The following ASTN2 variants were observed in gnomAD, a reference collection of about 807,000 sequenced individuals.
ASTN2 encodes astrotactin-2.
In ASTN2, 54 loss-of-function variants were observed where a neutral mutation model predicts 139.8. The ratio of observed to expected loss-of-function variants is 0.39; its 90% CI spans 0.31 to 0.48. The LOEUF is 0.48. Ranked by LOEUF, ASTN2 falls within the 20% of genes least tolerant of loss-of-function variation. The pLI is 0.95. For missense variants in ASTN2, 1,565 were observed against 1,725.1 expected (o/e 0.91, Z 1.64); for synonymous variants, 756 against 719.5 (o/e 1.05, Z -0.81).
intron 4 of ASTN2, among the ~76,000 whole-genome samples, chr9:117,124,808 GAA>G (rs56107557): frequency 4.5e-3 from 583 of 130,006 alleles, no homozygotes; most frequent in East Asian, 0.012. Flanking sequence ...CTGCCACCAT[GAA>G]AAAAAAAAAA....
At chr9:117,312,761 T>C (rs551454828) in intron 1 of ASTN2, among the ~76,000 whole-genome samples, 1 of 152,196 alleles carries the variant, frequency 6.6e-6, no homozygotes, top group African/African-American at 2.4e-5. Flanking sequence ...AACACAACCA[T>C]TCCCCTCCCT....
At chr9:116,466,157 C>T (rs754126087) in intron 20 of ASTN2, among the ~76,000 whole-genome samples, 14 of 152,088 alleles carry the variant, frequency 9.2e-5, no homozygotes, top group South Asian at 6.2e-4. Context: ...GAATCAAGGA[C>T]GCATAGTGGA....
At chr9:117,330,056 A>C (rs1828651081) in intron 1 of ASTN2, among the ~76,000 whole-genome samples, 1 of 151,980 alleles carries the variant, frequency 6.6e-6, no homozygotes, top group Admixed American at 6.6e-5. Context: ...GGTCTTAGTG[A>C]CTCCACAGCC....
chr9:116,917,238 C>T (rs150396815), intron 10 of ASTN2, among the ~76,000 whole-genome samples: 95 of 152,278 alleles, frequency 6.2e-4, no homozygotes, highest in African/African-American at 2.2e-3. Context: ...CCCTTGATCC[C>T]AGTGAACTCT....
At chr9:116,543,856 G>C (rs1263419172) in intron 19 of ASTN2, 1 of 152,124 alleles carries the variant, frequency 6.6e-6, no homozygotes, top group African/African-American at 2.4e-5. Context: ...GGTTCCTGTT[G>C]GTATCTTCTG....
intron 2 of ASTN2, among the ~76,000 whole-genome samples, chr9:117,252,372 T>C (rs978830105): frequency 6.6e-6 from 1 of 152,242 alleles, no homozygotes; most frequent in Non-Finnish European, 1.5e-5. Flanking sequence ...AGTAACTAAT[T>C]TGATTGCATC....
chr9:117,291,414 C>T lies in ASTN2; in HGVS notation c.542G>A (p.Gly181Glu), dbSNP rs1352106574. The part of the protein sequence containing the change: ...LYFHVSMSSS[G>E]QLAQATAPTL... The stretch of plus-strand genomic sequence containing the variant: ...GGGGGCGGTGGCTTGGGCCAGCTGC[C>T]CGGAGCTGCTCATGGAGACGTGGAA... Residue 181 changes from glycine to glutamate, a missense_variant, in exon 2 of 23, where the codon GGG becomes GAG. Around this residue, in one of 4 missense-constraint regions of ASTN2, gnomAD observed 596 missense variants for 576.8 expected, o/e 1.03. Transcript: ENST00000313400. 1 of 1,614,210 alleles carries T rather than the reference C, an allele frequency of 6.2e-7. No homozygotes were observed. The highest frequency in any genetic ancestry group is 1.7e-5 in the Admixed American group (1 of 60,026).
chr9:117,070,761 C>T (rs942748321), intron 5 of ASTN2, among the ~76,000 whole-genome samples: 2 of 151,734 alleles, frequency 1.3e-5, no homozygotes, highest in Admixed American at 1.3e-4. Flanking sequence ...TCATTCATTT[C>T]ATCTTCCATT....
intron 13 of ASTN2, among the ~76,000 whole-genome samples, chr9:116,768,662 T>C (rs978799056): frequency 2.6e-5 from 4 of 152,156 alleles, no homozygotes; most frequent in African/African-American, 9.7e-5. Flanking sequence ...GGAACCCTCC[T>C]AAATGGGTTT....
intron 19 of ASTN2, among the ~76,000 whole-genome samples, chr9:116,495,252 C>T (rs1350996504): frequency 6.6e-6 from 1 of 152,186 alleles, no homozygotes; most frequent in Non-Finnish European, 1.5e-5. Context: ...GTTTGACTGG[C>T]TATAAAGGCA....
rs770325959 is a variant in ASTN2, at chr9:117,096,049, C to T, written c.1271G>A (p.Ser424Asn). The T allele has an allele frequency of 5.1e-5, 82 of 1,613,776 alleles. No individual in the cohort carries two copies. Among genetic ancestry groups the T allele is most frequent in the Non-Finnish European group, 6.9e-5 (81 of 1,179,858 alleles). The change falls in exon 5 of 23, where the codon AGC becomes AAC. Residue 424 changes from serine (S) to asparagine (N), a missense_variant. Around this residue, in one of 4 missense-constraint regions of ASTN2, gnomAD observed 596 missense variants for 576.8 expected, o/e 1.03. Coordinates refer to ENST00000313400, the MANE Select transcript of ASTN2 (RefSeq NM_001365068.1). ...YTEQYRSRRR[S>N]KGLLKSPVNK... ...CCTTCCAAGGACACTATTACCTTTG[C>T]TGCGGCGGCGACTGCGGTACTGCTC...
At chr9:116,444,745 T>C (rs1275491816) in intron 20 of ASTN2, among the ~76,000 whole-genome samples, 2 of 152,144 alleles carry the variant, frequency 1.3e-5, no homozygotes, top group Admixed American at 1.3e-4. Context: ...CTGTCTAGCA[T>C]TGTGAACTTG....
At chr9:116,654,882 A>G (rs1430003525) in intron 16 of ASTN2, among the ~76,000 whole-genome samples, 1 of 152,244 alleles carries the variant, frequency 6.6e-6, no homozygotes, top group Non-Finnish European at 1.5e-5. Flanking sequence ...GGTTAAATAT[A>G]TAACTATCCA....
intron 10 of ASTN2, among the ~76,000 whole-genome samples, chr9:116,945,843 G>C (rs1294053387): frequency 1.3e-5 from 2 of 152,166 alleles, no homozygotes; most frequent in Non-Finnish European, 2.9e-5. Context: ...TTTTCACACT[G>C]CAATAAAGAA....
At chr9:117,284,121 T>C (rs1158003226) in intron 2 of ASTN2, among the ~76,000 whole-genome samples, 1 of 152,140 alleles carries the variant, frequency 6.6e-6, no homozygotes, top group African/African-American at 2.4e-5. Flanking sequence ...CAATCAATTT[T>C]TAAATGAGGT....
In ASTN2 at chr9:116,904,977, C is replaced by G. The variant is rs552393351; in HGVS notation, c.1890-41244G>C. Among the ~76,000 whole-genome samples, 48 of 152,248 alleles carry G rather than the reference C, an allele frequency of 3.2e-4. 1 individual carries two copies. In the East Asian group the frequency reaches 8.5e-3, roughly 27 times the overall value. Reference sequence around the variant, plus strand: ...ACCCCCAACTCTCCTCCAAGTCCTCCAAAGGCCCCTCTGTGGTCCTATTTT... The same window carrying G: ...ACCCCCAACTCTCCTCCAAGTCCTCGAAAGGCCCCTCTGTGGTCCTATTTT... On this transcript the variant is annotated intron_variant, in intron 10 of 22. Transcript: ENST00000313400.
intron 13 of ASTN2, among the ~76,000 whole-genome samples, chr9:116,789,692 T>C (rs1303169340): frequency 2.0e-5 from 3 of 152,218 alleles, no homozygotes; most frequent in Non-Finnish European, 4.4e-5. Flanking sequence ...TGTGGGCTTA[T>C]TAATGTGACC....
rs1319786080 is a variant in ASTN2, at chr9:116,783,538, A to C, written c.2396+22094T>G. ...ATGCATCTGTTGCTTTAAACATTGT[A>C]TATTATTAATATATATCCAACTATT... On this transcript the variant is annotated intron_variant, in intron 13 of 22. Transcript: ENST00000313400. Among the ~76,000 whole-genome samples the C allele has an allele frequency of 2.0e-5, 3 of 152,306 alleles. No individual in the cohort carries two copies. The East Asian group carries it at 5.8e-4, about 29-fold the overall frequency.
chr9:116,441,417 C>T (rs1847835960), intron 21 of ASTN2, among the ~76,000 whole-genome samples: 1 of 135,458 alleles, frequency 7.4e-6, no homozygotes, highest in Non-Finnish European at 1.7e-5. Flanking sequence ...ACAACAGTTG[C>T]TGCTAGGAGA....
Sources: gnomAD v4.1 joint callset for allele counts (sites outside exome capture counted in the v4.1 genomes callset) on GRCh38, gnomAD v4.1.1 for gene constraint, gnomAD v4.1.1 regional missense constraint, MANE v1.5 for transcripts, NCBI Gene and HGNC (gene_info 2026-07-23, HGNC 2026-07-21) for gene names.